Variants in KCNT2 observed in about 807,000 individuals in gnomAD.
KCNT2 encodes the protein potassium sodium-activated channel subfamily T member 2.
Under a neutral mutation model 153.8 loss-of-function variants are expected in KCNT2, and 67 were observed. That is an observed-to-expected ratio of 0.44 (90% confidence interval 0.36 to 0.53). The LOEUF is 0.53. KCNT2 is among the 20% of genes least tolerant of loss of function. The pLI, the probability that KCNT2 is intolerant of heterozygous loss-of-function variation, is 0.00. For synonymous variants in KCNT2, 500 were observed against 458.8 expected (o/e 1.09, Z -1.15); for missense variants, 975 against 1,354.8 (o/e 0.72, Z 4.40).
At chr1:196,255,410 AAATT>A (rs1656389360) in intron 26 of KCNT2, among the ~76,000 whole-genome samples, 2 of 151,828 alleles carry the variant, frequency 1.3e-5, no homozygotes, top group Admixed American at 6.6e-5. Flanking sequence ...AAGTTACAAA[AAATT>A]AATTAAAAGC....
At chr1:196,456,490 A>G (rs1192060252) in intron 8 of KCNT2, among the ~76,000 whole-genome samples, 1 of 151,998 alleles carries the variant, frequency 6.6e-6, no homozygotes, top group Non-Finnish European at 1.5e-5. Context: ...TCTTTGATTA[A>G]CAAAATGTAC....
chr1:196,456,418 TC>T (rs1676680317), intron 8 of KCNT2, among the ~76,000 whole-genome samples: 1 of 152,000 alleles, frequency 6.6e-6, no homozygotes, highest in Non-Finnish European at 1.5e-5. Flanking sequence ...ACAATACAAT[TC>T]TATTTGCTCC....
intron 26 of KCNT2, among the ~76,000 whole-genome samples, chr1:196,236,271 C>G (rs112381584): frequency 6.6e-6 from 1 of 151,116 alleles, no homozygotes; most frequent in Non-Finnish European, 1.5e-5. Flanking sequence ...ATTTTTTGTT[C>G]CAATAGATGA....
chr1:196,425,362 A>AT (rs933311509), intron 11 of KCNT2, among the ~76,000 whole-genome samples: 7 of 151,870 alleles, frequency 4.6e-5, no homozygotes, highest in African/African-American at 1.7e-4. Context: ...CATGGCAACC[A>AT]TTTTTTCTCT....
intron 1 of KCNT2, among the ~76,000 whole-genome samples, chr1:196,535,391 A>G (rs983227438): frequency 2.6e-5 from 4 of 152,238 alleles, no homozygotes; most frequent in African/African-American, 9.6e-5. Flanking sequence ...AACACATTGG[A>G]AATTGGAGAG....
At chr1:196,280,806 G>C in intron 25 of KCNT2, 54 bp downstream of exon 25, 1 of 1,467,442 alleles carries the variant, frequency 6.8e-7, no homozygotes, top group Non-Finnish European at 9.5e-7. Flanking sequence ...GCTTATGAAT[G>C]ATTGCACTCA....
intron 1 of KCNT2, among the ~76,000 whole-genome samples, chr1:196,567,076 C>T (rs1055491493): frequency 3.3e-5 from 5 of 151,968 alleles, no homozygotes; most frequent in African/African-American, 1.2e-4. Flanking sequence ...CTATATAGTT[C>T]TTAATCAAAA....
intron 8 of KCNT2, among the ~76,000 whole-genome samples, chr1:196,443,920 C>G (rs1675463734): frequency 6.6e-6 from 1 of 151,440 alleles, no homozygotes; most frequent in Admixed American, 6.6e-5. Context: ...TCATAACACA[C>G]TACCCATACT....
chr1:196,435,342 A>C (rs542425949), intron 8 of KCNT2, among the ~76,000 whole-genome samples: 11 of 150,500 alleles, frequency 7.3e-5, no homozygotes, highest in African/African-American at 2.4e-4. Context: ...CCTAGTAACT[A>C]GTATTTATAA....
chr1:196,579,631 T>C (rs1428753794), intron 1 of KCNT2, among the ~76,000 whole-genome samples: 1 of 151,988 alleles, frequency 6.6e-6, no homozygotes, highest in Non-Finnish European at 1.5e-5. Context: ...TAGCTGAGAT[T>C]ACAAGCATGT....
At chr1:196,521,136 C>T (rs528407942) in intron 1 of KCNT2, among the ~76,000 whole-genome samples, 16 of 152,164 alleles carry the variant, frequency 1.1e-4, no homozygotes, top group African/African-American at 3.6e-4. Flanking sequence ...GGGCAAATGA[C>T]ATAAACATCA....
chr1:196,351,612 A>C (rs972974272), intron 14 of KCNT2, among the ~76,000 whole-genome samples: 1 of 151,824 alleles, frequency 6.6e-6, no homozygotes, highest in African/African-American at 2.4e-5. Flanking sequence ...GGGCTGAGAC[A>C]ATGGGGTTTT....
chr1:196,454,099 T>A (rs1676448788), intron 8 of KCNT2, among the ~76,000 whole-genome samples: 1 of 151,994 alleles, frequency 6.6e-6, no homozygotes. Context: ...GAGAAGTGGG[T>A]ATAGGATTCT....
At chr1:196,475,476 C>T (rs960185171) in intron 5 of KCNT2, among the ~76,000 whole-genome samples, 17 of 151,998 alleles carry the variant, frequency 1.1e-4, no homozygotes, top group African/African-American at 3.4e-4. Context: ...AAATATTAGC[C>T]GGGTGTGGTG....
intron 1 of KCNT2, among the ~76,000 whole-genome samples, chr1:196,528,402 T>A (rs1191476877): frequency 6.6e-6 from 1 of 152,170 alleles, no homozygotes; most frequent in Admixed American, 6.6e-5. Context: ...CCATTTCCAT[T>A]GAAAAAATAA....
intron 26 of KCNT2, among the ~76,000 whole-genome samples, chr1:196,239,422 T>A (rs1654745786): frequency 6.6e-6 from 1 of 151,832 alleles, no homozygotes; most frequent in South Asian, 2.1e-4. Flanking sequence ...ACAAAGAAAC[T>A]TCTTTTGCTA....
intron 18 of KCNT2, among the ~76,000 whole-genome samples, chr1:196,330,953 T>C (rs1173144045): frequency 6.6e-6 from 1 of 152,008 alleles, no homozygotes; most frequent in African/African-American, 2.4e-5. Flanking sequence ...GCTAATATGG[T>C]AGAAGACTAA....
chr1:196,335,659 A>T (rs1377739867), intron 16 of KCNT2, among the ~76,000 whole-genome samples: 1 of 152,170 alleles, frequency 6.6e-6, no homozygotes, highest in Non-Finnish European at 1.5e-5. Context: ...CTTCTTCCTC[A>T]TTATAATAAC....
At chr1:196,442,012 T>C (rs1675275133) in intron 8 of KCNT2, among the ~76,000 whole-genome samples, 1 of 151,774 alleles carries the variant, frequency 6.6e-6, no homozygotes, top group South Asian at 2.1e-4. Context: ...ACAAAAGCAC[T>C]ATGGTCAAAG....
Sources: gnomAD v4.1 joint callset for allele counts (sites outside exome capture counted in the v4.1 genomes callset) on GRCh38, gnomAD v4.1.1 for gene constraint, MANE v1.5 for transcripts, NCBI Gene and HGNC (gene_info 2026-07-23, HGNC 2026-07-21) for gene names.